GPC3: variants seen among roughly 807,000 people sequenced by gnomAD.
GPC3 encodes the protein glypican 3, also known as glypican-3.
Under a neutral mutation model 34.4 loss-of-function variants are expected in GPC3, and 3 were observed. The ratio of observed to expected loss-of-function variants is 0.09; its 90% CI spans 0.04 to 0.23. The LOEUF (loss-of-function observed/expected upper bound fraction) is 0.23. GPC3 is among the 10% of genes least tolerant of loss of function. GPC3 has a pLI of 1.00. For synonymous variants in GPC3, 177 were observed against 174.0 expected (o/e 1.02, Z -0.13); for missense variants, 351 against 445.6 (o/e 0.79, Z 1.91).
rs750212456 is a variant in GPC3, at chrX:133,717,557, A to C, written c.1033-17529T>G. ...GTTCCGTTCTAATTACCAGTGCATG[A>C]AGCCCCCAGTCATGCACCCCCTGCT... On this transcript the variant is annotated intron_variant, in intron 3 of 7. Transcript: ENST00000370818. Among the ~76,000 whole-genome samples the C allele has an allele frequency of 6.3e-5, 7 of 111,030 alleles. No individual in the cohort carries two copies. In the South Asian group the frequency reaches 1.2e-3, roughly 19 times the overall value.
chrX:133,596,425 G>C lies in GPC3; in HGVS notation c.1573+15C>G, dbSNP rs1183489326. On this transcript the variant is annotated intron_variant, in intron 7 of 7. Transcript: ENST00000370818. ...CCATTTTTAGATTACATTTGGGTCA[G>C]CACTAATCAGTTACCTGCAAGGAAG... 3.3e-6 allele frequency: 4 copies of C among 1,195,000 alleles called. No individual in the cohort carries two copies. Among genetic ancestry groups the C allele is most frequent in the South Asian group, 1.8e-5 (1 of 56,444 alleles).
chrX:133,826,916 A>G (rs1394268226), intron 2 of GPC3, among the ~76,000 whole-genome samples: 2 of 112,125 alleles, frequency 1.8e-5, no homozygotes, highest in Non-Finnish European at 3.8e-5. Flanking sequence ...ATACCTGTCA[A>G]ACAAAGAGTC....
intron 3 of GPC3, among the ~76,000 whole-genome samples, chrX:133,731,206 C>T (rs1339352794): frequency 4.5e-5 from 5 of 112,351 alleles, no homozygotes; most frequent in Non-Finnish European, 9.4e-5. Context: ...CAGAGGATAC[C>T]TCCCATGGCA....
chrX:133,712,134 G>A (rs1007591767), intron 3 of GPC3, among the ~76,000 whole-genome samples: 25 of 111,922 alleles, frequency 2.2e-4, no homozygotes, highest in Non-Finnish European at 2.1e-4. Flanking sequence ...GAGATTAGAA[G>A]ACTTACTTCA....
chrX:133,783,574 C>T (rs1192111155), intron 2 of GPC3, among the ~76,000 whole-genome samples: 1 of 112,357 alleles, frequency 8.9e-6, no homozygotes, highest in Admixed American at 9.4e-5. Flanking sequence ...CCCCTTTGGG[C>T]TGAGAGGTGA....
At chrX:133,915,260 G>A (rs751435374) in intron 2 of GPC3, among the ~76,000 whole-genome samples, 23 of 109,833 alleles carry the variant, frequency 2.1e-4, no homozygotes, top group Admixed American at 9.9e-4. Context: ...TGCAACCTCC[G>A]CCTCCTGGGT....
chrX:133,811,396 G>A (rs1014729709), intron 2 of GPC3, among the ~76,000 whole-genome samples: 1 of 111,781 alleles, frequency 8.9e-6, no homozygotes, highest in African/African-American at 3.3e-5. Flanking sequence ...TATAAGGACT[G>A]TCCCAACTGA....
intron 3 of GPC3, among the ~76,000 whole-genome samples, chrX:133,752,915 G>A (rs2071680185): frequency 8.9e-6 from 1 of 111,799 alleles, no homozygotes; most frequent in Non-Finnish European, 1.9e-5. Context: ...CAGAAAAATT[G>A]GTGATAACCA....
chrX:133,561,388 T>C (rs1425779868), intron 7 of GPC3, among the ~76,000 whole-genome samples: 1 of 112,337 alleles, frequency 8.9e-6, no homozygotes, highest in African/African-American at 3.2e-5. Flanking sequence ...GCCTGTTTTG[T>C]AGCCAACACA....
At chrX:133,889,137 C>T (rs1174139984) in intron 2 of GPC3, among the ~76,000 whole-genome samples, 1 of 112,148 alleles carries the variant, frequency 8.9e-6, no homozygotes, top group Admixed American at 9.5e-5. Flanking sequence ...TCCTTTTCTC[C>T]GGACTCAAGA....
At chrX:133,778,149 C>T (rs1380663127) in intron 2 of GPC3, among the ~76,000 whole-genome samples, 3 of 111,635 alleles carry the variant, frequency 2.7e-5, no homozygotes, top group Non-Finnish European at 5.6e-5. Flanking sequence ...TTTATTATTT[C>T]CCCCCCAAAA....
chrX:133,541,732 A>G (rs770338551), intron 7 of GPC3, among the ~76,000 whole-genome samples: 1 of 111,588 alleles, frequency 9.0e-6, no homozygotes, highest in Admixed American at 9.5e-5. Flanking sequence ...ATAAATAGAG[A>G]GCCCTCCATC....
rs77829996 is a variant in GPC3, at chrX:133,984,426, C to T, written c.175+849G>A. ...GCCATTAATATTCATCTGTTGACAG[C>T]GGCAGCCCTCGGCTGATGTTAAAAT... On this transcript the variant is annotated intron_variant, in intron 1 of 7. Transcript: ENST00000370818. Among the ~76,000 whole-genome samples the T allele has an allele frequency of 4.9e-3, 555 of 112,530 alleles. 13 individuals are homozygous for T. In the East Asian group the frequency reaches 0.096, roughly 19 times the overall value.
At chrX:133,816,312 C>T (rs1262578893) in intron 2 of GPC3, among the ~76,000 whole-genome samples, 1 of 111,947 alleles carries the variant, frequency 8.9e-6, no homozygotes, top group Admixed American at 9.5e-5. Context: ...GCCTTGGTCT[C>T]CCAAAGTGCT....
At chrX:133,764,553 C>T (rs1478740445) in intron 2 of GPC3, among the ~76,000 whole-genome samples, 3 of 112,006 alleles carry the variant, frequency 2.7e-5, no homozygotes, top group Admixed American at 9.5e-5. Flanking sequence ...AGGCTACCTT[C>T]ATCATCGCTC....
intron 3 of GPC3, among the ~76,000 whole-genome samples, chrX:133,719,790 G>T (rs1029195556): frequency 4.5e-5 from 5 of 112,006 alleles, no homozygotes; most frequent in Non-Finnish European, 9.4e-5. Context: ...CCCACAGAGT[G>T]GGAGAAAATA....
intron 2 of GPC3, among the ~76,000 whole-genome samples, chrX:133,867,566 T>TATCCCC (rs1232630667): frequency 1.8e-5 from 2 of 108,700 alleles, no homozygotes; most frequent in Non-Finnish European, 3.8e-5. Flanking sequence ...AAATCCTCTC[T>TATCCCC]ATCCCCATAA....
chrX:133,953,994 A>T (rs370764933), intron 1 of GPC3, among the ~76,000 whole-genome samples: 1 of 112,799 alleles, frequency 8.9e-6, no homozygotes, highest in African/African-American at 3.2e-5. Flanking sequence ...ATAAAAAGGA[A>T]TGAACCATTA....
At chrX:133,819,507 G>A (rs1057150896) in intron 2 of GPC3, among the ~76,000 whole-genome samples, 38 of 110,843 alleles carry the variant, frequency 3.4e-4, no homozygotes, top group Non-Finnish European at 3.8e-4. Context: ...ATGCTGTGAA[G>A]GAAACTTGAA....
Sources: gnomAD v4.1 joint callset for allele counts (sites outside exome capture counted in the v4.1 genomes callset) on GRCh38, gnomAD v4.1.1 for gene constraint, MANE v1.5 for transcripts, NCBI Gene and HGNC (gene_info 2026-07-23, HGNC 2026-07-21) for gene names.